Variants in PLD5 observed in about 807,000 individuals in gnomAD.
PLD5 encodes phospholipase D family member 5.
A neutral mutation model predicts 61.1 loss-of-function variants in PLD5; 36 were observed. The observed-to-expected ratio is 0.59, with a 90% CI of 0.45 to 0.78. PLD5 has a LOEUF of 0.78. Ranked by LOEUF, PLD5 falls within the 30% of genes least tolerant of loss-of-function variation. The pLI is 0.00. For missense variants in PLD5, 515 were observed against 644.4 expected, an observed-to-expected ratio of 0.80 and a Z score of 2.17; for synonymous variants, 243 against 242.8, an observed-to-expected ratio of 1.00 and a Z score of -0.01.
chr1:242,474,765 G>A (rs1015746833), intron 1 of PLD5, among the ~76,000 whole-genome samples: 1 of 151,720 alleles, frequency 6.6e-6, no homozygotes, highest in Admixed American at 6.6e-5. Flanking sequence ...CATCACATAG[G>A]CGCCCCTGCA....
At chr1:242,200,702 T>C (rs1323559729) in intron 5 of PLD5, among the ~76,000 whole-genome samples, 2 of 152,094 alleles carry the variant, frequency 1.3e-5, no homozygotes, top group Non-Finnish European at 2.9e-5. Context: ...ACTGATGGAA[T>C]AATTCCAGGA....
intron 1 of PLD5, among the ~76,000 whole-genome samples, chr1:242,407,683 G>A (rs867979843): frequency 1.1e-4 from 16 of 151,778 alleles, no homozygotes; most frequent in Middle Eastern, 6.8e-3. Context: ...GGGCTCAAGC[G>A]ATTCTCCTGC....
upstream of PLD5, among the ~76,000 whole-genome samples, chr1:242,525,001 A>C (rs1455007891): frequency 6.6e-6 from 1 of 152,010 alleles, no homozygotes; most frequent in Non-Finnish European, 1.5e-5. Context: ...GGAGGGAGAC[A>C]CTCAGGAAAC....
intron 5 of PLD5, among the ~76,000 whole-genome samples, chr1:242,151,027 G>A (rs1664890300): frequency 6.6e-6 from 1 of 151,594 alleles, no homozygotes; most frequent in Admixed American, 6.6e-5. Context: ...TAATTAATCA[G>A]AGTCCCTTCA....
At chr1:242,092,737 AAGCACATCTGGGAGAC>A (rs1212920589) in intron 9 of PLD5, among the ~76,000 whole-genome samples, 1 of 152,144 alleles carries the variant, frequency 6.6e-6, no homozygotes, top group African/African-American at 2.4e-5. Context: ...TGCTGGAAGA[AAGCACATCTGGGAGAC>A]AGCCAGTTTC....
intron 1 of PLD5, among the ~76,000 whole-genome samples, chr1:242,371,790 A>G (rs1332202686): frequency 1.3e-5 from 2 of 152,182 alleles, no homozygotes; most frequent in African/African-American, 2.4e-5. Flanking sequence ...ATGCAATCTT[A>G]TAATATAGAG....
intron 5 of PLD5, among the ~76,000 whole-genome samples, chr1:242,183,368 C>T (rs962975024): frequency 6.6e-6 from 1 of 152,026 alleles, no homozygotes; most frequent in African/African-American, 2.4e-5. Context: ...TCAAATCATC[C>T]CAGCCCCACA....
At chr1:242,234,791 G>T (rs898845101) in intron 4 of PLD5, among the ~76,000 whole-genome samples, 5 of 152,044 alleles carry the variant, frequency 3.3e-5, no homozygotes. Flanking sequence ...AAGCCTAACT[G>T]GGGATGGGAT....
At chr1:242,305,886 C>T (rs1434088871) in intron 2 of PLD5, among the ~76,000 whole-genome samples, 1 of 152,116 alleles carries the variant, frequency 6.6e-6, no homozygotes, top group African/African-American at 2.4e-5. Context: ...AGAGATGACA[C>T]AGGGTGTCTG....
chr1:242,193,180 A>G (rs1668389032), intron 5 of PLD5, among the ~76,000 whole-genome samples: 4 of 151,970 alleles, frequency 2.6e-5, no homozygotes, highest in Admixed American at 2.6e-4. Flanking sequence ...AAGTTCACTC[A>G]AGGCAGGAGC....
At chr1:242,239,570 T>C (rs1386310174) in intron 4 of PLD5, among the ~76,000 whole-genome samples, 1 of 152,200 alleles carries the variant, frequency 6.6e-6, no homozygotes, top group East Asian at 1.9e-4. Context: ...CAAGACCAAA[T>C]ACAAGTGTGT....
intron 2 of PLD5, among the ~76,000 whole-genome samples, chr1:242,328,327 GT>G (rs1419682298): frequency 6.6e-6 from 1 of 151,490 alleles, no homozygotes; most frequent in Non-Finnish European, 1.5e-5. Flanking sequence ...ACATATATGT[GT>G]TTTACATACG....
rs1252844838 is a variant in PLD5 at position 242,312,881 on chromosome 1, A to T, written c.327-24351T>A. On this transcript the variant is annotated intron_variant, in intron 2 of 9. Coordinates refer to ENST00000536534, the MANE Select transcript of PLD5 (RefSeq NM_001372062.1). ...AGTTGGGTATTTGCTTCGTTCTTAT[A>T]AATTTTTGACTGATTCCCAGAGCTT... Among the ~76,000 whole-genome samples, 2 of 152,190 alleles carry T rather than the reference A, an allele frequency of 1.3e-5. 1 individual carries two copies. Among genetic ancestry groups the T allele is most frequent in the Non-Finnish European group, 2.9e-5 (2 of 68,032 alleles).
chr1:242,350,732 A>G (rs956565499), intron 1 of PLD5, among the ~76,000 whole-genome samples: 1 of 152,038 alleles, frequency 6.6e-6, no homozygotes, highest in African/African-American at 2.4e-5. Context: ...ATCCTCCTTC[A>G]GGCCTCATCT....
At chr1:242,152,526 C>T (rs1433809476) in intron 5 of PLD5, among the ~76,000 whole-genome samples, 1 of 151,646 alleles carries the variant, frequency 6.6e-6, no homozygotes, top group Non-Finnish European at 1.5e-5. Flanking sequence ...CCCTAACAGG[C>T]CCCAGTGTGT....
chr1:242,400,309 G>T (rs1663855823), intron 1 of PLD5, among the ~76,000 whole-genome samples: 1 of 110,422 alleles, frequency 9.1e-6, no homozygotes, highest in Non-Finnish European at 1.7e-5. Context: ...ACCAGTCCCT[G>T]GTGCAAAAAA....
At chr1:242,101,763 T>C (rs1233555815) in intron 8 of PLD5, among the ~76,000 whole-genome samples, 1 of 152,028 alleles carries the variant, frequency 6.6e-6, no homozygotes, top group Non-Finnish European at 1.5e-5. Flanking sequence ...ATAATGAGAG[T>C]TGGACTTCCC....
rs543094591 is a variant in PLD5, at chr1:242,272,364, T to C, written c.496-6916A>G. ...ATCTAATAGAAAACAAATGAGACTA[T>C]ATAAAAATTATATATTATCAATAAA... is the stretch of plus-strand genomic sequence containing the variant. On this transcript the variant is annotated intron_variant, in intron 3 of 9. Coordinates refer to ENST00000536534, the MANE Select transcript of PLD5 (RefSeq NM_001372062.1). Among the ~76,000 whole-genome samples, 6 of 152,256 alleles carry C rather than the reference T, an allele frequency of 3.9e-5. 1 individual carries two copies. The highest frequency in any genetic ancestry group is 1.4e-4 in the African/African-American group (6 of 41,564).
upstream of PLD5, among the ~76,000 whole-genome samples, chr1:242,526,824 G>C (rs552849213): frequency 3.0e-4 from 45 of 149,594 alleles, no homozygotes; most frequent in Non-Finnish European, 5.7e-4. Flanking sequence ...CAATTTAAAT[G>C]ACGACAAACA....
Sources: gnomAD v4.1 joint callset for allele counts (sites outside exome capture counted in the v4.1 genomes callset) on GRCh38, gnomAD v4.1.1 for gene constraint, MANE v1.5 for transcripts, NCBI Gene and HGNC (gene_info 2026-07-23, HGNC 2026-07-21) for gene names.